The following FHIP1A variants were observed in gnomAD, a reference collection of about 807,000 sequenced individuals.
FHIP1A encodes FHF complex subunit HOOK-interacting protein 1A.
In FHIP1A, 61 loss-of-function variants were observed where a neutral mutation model predicts 88.6. That is an observed-to-expected ratio of 0.69 (90% CI 0.56 to 0.85). The LOEUF (loss-of-function observed/expected upper bound fraction) is 0.85. Ranked by LOEUF, FHIP1A falls within the 40% of genes least tolerant of loss-of-function variation. FHIP1A has a pLI of 0.00. For synonymous variants in FHIP1A, 478 were observed against 496.0 expected, an observed-to-expected ratio of 0.96 and a Z score of 0.48; for missense variants, 1,154 against 1,273.5, an observed-to-expected ratio of 0.91 and a Z score of 1.43.
chr4:151,640,525 C>T (rs1322373489), intron 9 of FHIP1A, among the ~76,000 whole-genome samples: 1 of 152,194 alleles, frequency 6.6e-6, no homozygotes, highest in African/African-American at 2.4e-5. Flanking sequence ...AATGCATTAG[C>T]AAGGCCTGAA....
intron 5 of FHIP1A, among the ~76,000 whole-genome samples, chr4:151,583,468 C>G (rs1734099150): frequency 6.6e-6 from 1 of 152,138 alleles, no homozygotes; most frequent in Non-Finnish European, 1.5e-5. Flanking sequence ...TCAGCCATGC[C>G]CTTTCACAAT....
intron 7 of FHIP1A, among the ~76,000 whole-genome samples, chr4:151,625,451 A>G (rs924532328): frequency 2.6e-5 from 4 of 152,230 alleles, no homozygotes; most frequent in East Asian, 1.9e-4. Flanking sequence ...TGTATTTTTC[A>G]GGACACACAT....
chr4:151,526,109 G>T (rs1045052228), intron 3 of FHIP1A, among the ~76,000 whole-genome samples: 1 of 152,226 alleles, frequency 6.6e-6, no homozygotes, highest in African/African-American at 2.4e-5. Context: ...CAAGGCAGAA[G>T]AATTTTTCAT....
chr4:151,580,902 G>T (rs1733997591), intron 5 of FHIP1A, among the ~76,000 whole-genome samples: 1 of 152,136 alleles, frequency 6.6e-6, no homozygotes, highest in African/African-American at 2.4e-5. Flanking sequence ...CTGTCACCCA[G>T]GCTGGAGTGC....
At chr4:151,623,118 G>A (rs570702485) in intron 7 of FHIP1A, among the ~76,000 whole-genome samples, 3 of 152,120 alleles carry the variant, frequency 2.0e-5, no homozygotes, top group Non-Finnish European at 2.9e-5. Context: ...TTGCAGCATC[G>A]GCCCATTGGA....
At chr4:151,480,641 G>A (rs1034174601) in intron 2 of FHIP1A, among the ~76,000 whole-genome samples, 8 of 152,034 alleles carry the variant, frequency 5.3e-5, no homozygotes, top group Non-Finnish European at 7.4e-5. Context: ...TAGTTCCCAG[G>A]TGGTTAATAA....
At chr4:151,422,856 T>C (rs762686845) in intron 1 of FHIP1A, among the ~76,000 whole-genome samples, 3 of 152,194 alleles carry the variant, frequency 2.0e-5, no homozygotes, top group Non-Finnish European at 4.4e-5. Flanking sequence ...ATGATGCTGA[T>C]TGTGTAGAGA....
intron 1 of FHIP1A, among the ~76,000 whole-genome samples, chr4:151,432,715 A>C (rs1733639899): frequency 6.6e-6 from 1 of 152,300 alleles, no homozygotes; most frequent in South Asian, 2.1e-4. Context: ...GCATATCCTC[A>C]TGAGGAAACT....
rs1193022693 is a variant in FHIP1A at position 151,520,723 on chromosome 4, C to T, written c.-123+38075C>T. ...TATTAACAAGAAGGTAGAGTGAGTA[C>T]TGTGACCAGCAGCCATGAAGTCCTC... On this transcript the variant is annotated intron_variant, in intron 3 of 13. Transcript: ENST00000435205. 2.0e-5 allele frequency among the ~76,000 whole-genome samples: 3 copies of T among 152,170 alleles called. No individual in the cohort carries two copies. The East Asian group carries it at 5.8e-4, about 29-fold the overall frequency.
At chr4:151,513,070 CA>C (rs1731097347) in intron 3 of FHIP1A, among the ~76,000 whole-genome samples, 1 of 152,148 alleles carries the variant, frequency 6.6e-6, no homozygotes, top group South Asian at 2.1e-4. Flanking sequence ...AGGTTACCCT[CA>C]AAGGGAAGCC....
At chr4:151,530,993 T>G (rs1731856542) in intron 3 of FHIP1A, among the ~76,000 whole-genome samples, 1 of 152,192 alleles carries the variant, frequency 6.6e-6, no homozygotes, top group Non-Finnish European at 1.5e-5. Context: ...CTGTTAACTT[T>G]GTCTGCAGCA....
chr4:151,564,828 C>A (rs1287209923), intron 3 of FHIP1A, among the ~76,000 whole-genome samples: 6 of 152,116 alleles, frequency 3.9e-5, no homozygotes, highest in Admixed American at 1.3e-4. Flanking sequence ...GTGTTCTGTT[C>A]TTATGTCCCA....
intron 3 of FHIP1A, among the ~76,000 whole-genome samples, chr4:151,558,395 G>A (rs951039139): frequency 6.6e-6 from 1 of 151,992 alleles, no homozygotes; most frequent in Non-Finnish European, 1.5e-5. Flanking sequence ...AATTAGCCAG[G>A]CGTGGTGGTG....
chr4:151,586,670 C>T lies in FHIP1A; in HGVS notation c.762C>T (p.Tyr254=). ...PVLATGLSGL[Y]SSLPTKLEEK... ...TTGCAACTGGGCTCAGTGGTCTCTA[C>T]TCTTCCCTGCCTACAAAGCTAGAAG... Residue 254 remains tyrosine (Y), a synonymous_variant, in exon 6 of 14, where the codon TAC becomes TAT. Transcript: ENST00000435205. 6.4e-7 allele frequency: 1 copy of T among 1,550,990 alleles called. No individual in the cohort carries two copies. The highest frequency in any genetic ancestry group is 8.7e-7 in the Non-Finnish European group (1 of 1,146,468).
intron 7 of FHIP1A, among the ~76,000 whole-genome samples, chr4:151,591,000 C>T (rs1734402516): frequency 6.6e-6 from 1 of 152,056 alleles, no homozygotes; most frequent in African/African-American, 2.4e-5. Flanking sequence ...CAATTTGTCT[C>T]AGGGCTATAT....
At chr4:151,588,625 A>G (rs970544141) in intron 6 of FHIP1A, among the ~76,000 whole-genome samples, 2 of 152,178 alleles carry the variant, frequency 1.3e-5, no homozygotes, top group Admixed American at 6.5e-5. Flanking sequence ...TTGAAAGTTC[A>G]ACTTCTGCGG....
intron 3 of FHIP1A, among the ~76,000 whole-genome samples, chr4:151,490,727 C>T (rs557223847): frequency 3.1e-5 from 4 of 129,586 alleles, no homozygotes; most frequent in Admixed American, 7.6e-5. Flanking sequence ...AGGTGAAAAC[C>T]GACTTAAAGA....
intron 3 of FHIP1A, among the ~76,000 whole-genome samples, chr4:151,557,435 C>G (rs1163712461): frequency 6.6e-6 from 1 of 152,002 alleles, no homozygotes; most frequent in Non-Finnish European, 1.5e-5. Context: ...TCTTTTTTCC[C>G]CCTGTGCAAA....
chr4:151,495,858 G>T (rs1730443126), intron 3 of FHIP1A, among the ~76,000 whole-genome samples: 1 of 152,024 alleles, frequency 6.6e-6, no homozygotes, highest in South Asian at 2.1e-4. Context: ...CTTGACCTCA[G>T]ATGATCCTCC....
Sources: allele counts gnomAD v4.1 joint callset (sites outside exome capture counted in the v4.1 genomes callset), GRCh38; gene constraint gnomAD v4.1.1; transcripts MANE v1.5; gene names NCBI Gene and HGNC (gene_info 2026-07-23, HGNC 2026-07-21).